Variants in GRM5 observed in about 807,000 individuals in gnomAD.
The protein encoded by GRM5 is metabotropic glutamate receptor 5.
In GRM5, 19 loss-of-function variants were observed where a neutral mutation model predicts 83.1. The observed-to-expected ratio is 0.23, with a 90% confidence interval of 0.16 to 0.34. GRM5 has a LOEUF of 0.34. GRM5 is among the 10% of genes least tolerant of loss of function. GRM5 has a pLI of 1.00. For missense variants in GRM5, 1,160 were observed against 1,588.3 expected, an observed-to-expected ratio of 0.73 and a Z score of 4.58; for synonymous variants, 675 against 633.6, an observed-to-expected ratio of 1.07 and a Z score of -0.98.
At chr11:88,895,593 T>A (rs1301882320) in intron 2 of GRM5, among the ~76,000 whole-genome samples, 2 of 151,944 alleles carry the variant, frequency 1.3e-5, no homozygotes, top group African/African-American at 4.8e-5. Context: ...TATTCATTAT[T>A]TTTCCCCACA....
chr11:88,759,155 A>G (rs898627404), intron 3 of GRM5, among the ~76,000 whole-genome samples: 5 of 152,122 alleles, frequency 3.3e-5, no homozygotes, highest in Non-Finnish European at 7.4e-5. Flanking sequence ...CAGTGACACT[A>G]TAAAGCAACC....
chr11:88,584,314 A>T (rs921853961), intron 7 of GRM5, among the ~76,000 whole-genome samples: 1 of 151,784 alleles, frequency 6.6e-6, no homozygotes, highest in Non-Finnish European at 1.5e-5. Flanking sequence ...TGATACTGCT[A>T]TTCTGAAATC....
Position 88,850,136 on chromosome 11 carries a change from C to T in GRM5, c.681G>A (p.Gly227=). The change falls in exon 3 of 10, where the codon GGG becomes GGA. Residue 227 remains glycine (G), a synonymous_variant. Coordinates refer to ENST00000305447, the MANE Select transcript of GRM5 (RefSeq NM_001143831.3). ...CTGACATATCTTTGAAGGCTTCCAT[C>T]CCACTTTCTCCATAGTTGCCTGTGT... The part of the protein sequence containing the change: ...VHTEGNYGES[G]MEAFKDMSAK... The T allele has an allele frequency of 1.5e-6, 2 of 1,305,210 alleles. No individual in the cohort carries two copies. The highest frequency in any genetic ancestry group is 2.2e-6 in the Non-Finnish European group (2 of 898,962). 80.9% of individuals were successfully genotyped at this position (1,305,210 alleles called of 1,614,324 possible). A position where few individuals can be genotyped will look rare whatever the true frequency, so the allele number is the denominator to read the frequency against.
At chr11:88,806,796 T>C (rs981676710) in intron 3 of GRM5, among the ~76,000 whole-genome samples, 1 of 152,184 alleles carries the variant, frequency 6.6e-6, no homozygotes, top group Non-Finnish European at 1.5e-5. Flanking sequence ...TCCCCATCTT[T>C]TTATACTTGT....
chr11:88,998,929 T>C (rs1490685297), intron 2 of GRM5, among the ~76,000 whole-genome samples: 3 of 152,054 alleles, frequency 2.0e-5, no homozygotes, highest in Admixed American at 6.6e-5. Flanking sequence ...GGAACTAGAA[T>C]GCCGCATGTC....
intron 2 of GRM5, among the ~76,000 whole-genome samples, chr11:88,947,534 G>GTT (rs1408589409): frequency 1.4e-5 from 2 of 145,232 alleles, no homozygotes; most frequent in Middle Eastern, 3.6e-3. Flanking sequence ...TGCATTGTTA[G>GTT]TTTTTTTTTT....
At chr11:88,588,447 G>A (rs953997907) in intron 7 of GRM5, among the ~76,000 whole-genome samples, 1 of 151,980 alleles carries the variant, frequency 6.6e-6, no homozygotes, top group Non-Finnish European at 1.5e-5. Flanking sequence ...GGATTAAGAG[G>A]CATGTGGCAT....
At chr11:88,871,411 G>T (rs1460785039) in intron 2 of GRM5, among the ~76,000 whole-genome samples, 3 of 151,620 alleles carry the variant, frequency 2.0e-5, no homozygotes, top group Admixed American at 6.6e-5. Flanking sequence ...TAAGAAAGAT[G>T]ATGATTCCAG....
intron 3 of GRM5, among the ~76,000 whole-genome samples, chr11:88,783,174 C>T (rs549480023): frequency 6.6e-5 from 10 of 152,226 alleles, no homozygotes; most frequent in African/African-American, 1.9e-4. Context: ...TTCCCATAAT[C>T]TTAGGGGTTT....
chr11:89,032,597 T>C (rs1371612500), intron 2 of GRM5, among the ~76,000 whole-genome samples: 1 of 152,018 alleles, frequency 6.6e-6, no homozygotes, highest in African/African-American at 2.4e-5. Context: ...TTTTGAACCC[T>C]TATTGTGTGC....
intron 2 of GRM5, among the ~76,000 whole-genome samples, chr11:88,990,128 G>GA (rs1247030053): frequency 7.0e-6 from 1 of 143,648 alleles, no homozygotes. Flanking sequence ...GACTAATAAA[G>GA]AAAAAAAGAG....
chr11:88,995,167 A>G (rs1341108557), intron 2 of GRM5, among the ~76,000 whole-genome samples: 4 of 152,158 alleles, frequency 2.6e-5, no homozygotes, highest in African/African-American at 9.7e-5. Flanking sequence ...GGAGACAGTT[A>G]TTATAGCATC....
chr11:88,870,488 A>G (rs1187425691), intron 2 of GRM5, among the ~76,000 whole-genome samples: 1 of 151,512 alleles, frequency 6.6e-6, no homozygotes, highest in Non-Finnish European at 1.5e-5. Flanking sequence ...AAGCAAAGAA[A>G]GAGTTAATCA....
chr11:88,609,296 T>C (rs924135475), intron 4 of GRM5, among the ~76,000 whole-genome samples: 2 of 152,228 alleles, frequency 1.3e-5, no homozygotes, highest in African/African-American at 4.8e-5. Context: ...GGTTTTGGGC[T>C]TGATCTATGT....
At chr11:88,757,867 C>T (rs1942429033) in intron 3 of GRM5, among the ~76,000 whole-genome samples, 2 of 151,998 alleles carry the variant, frequency 1.3e-5, no homozygotes, top group Admixed American at 1.3e-4. Flanking sequence ...TCCAAGAGCA[C>T]CATGGCTTCC....
In GRM5 at chr11:88,965,296, G is replaced by A. The variant is rs139165701; in HGVS notation, c.661+81916C>T. ...ATTTCTGGTGAGAGGCCTCTTGCAA[G>A]GTTGCAGACTTCCCATTCTATCCTC... On this transcript the variant is annotated intron_variant, in intron 2 of 9. Coordinates refer to ENST00000305447, the MANE Select transcript of GRM5 (RefSeq NM_001143831.3). 5.8e-3 allele frequency among the ~76,000 whole-genome samples: 876 copies of A among 152,180 alleles called. 4 individuals are homozygous for A. The highest frequency in any genetic ancestry group is 8.8e-3 in the Non-Finnish European group (596 of 67,990).
At chr11:88,942,996 T>C (rs1294845588) in intron 2 of GRM5, among the ~76,000 whole-genome samples, 2 of 152,034 alleles carry the variant, frequency 1.3e-5, no homozygotes, top group Admixed American at 6.6e-5. Context: ...ATTTCTTTAT[T>C]CCTTCCAATC....
chr11:89,063,212 A>C lies in GRM5; in HGVS notation c.-201+2564T>G, dbSNP rs551644277. Among the ~76,000 whole-genome samples, 5 of 152,340 alleles carry C rather than the reference A, an allele frequency of 3.3e-5. No individual in the cohort carries two copies. In the East Asian group the frequency reaches 7.7e-4, roughly 24 times the overall value. ...CGCGCACCTGGCCTTAGAGAGCGGG[A>C]ACTCGGATGCGAAGGCATGCAGAAT... On this transcript the variant is annotated intron_variant, in intron 1 of 9. Transcript: ENST00000305447.
intron 8 of GRM5, among the ~76,000 whole-genome samples, chr11:88,555,831 T>C (rs1942613846): frequency 6.6e-6 from 1 of 152,188 alleles, no homozygotes; most frequent in South Asian, 2.1e-4. Flanking sequence ...TACAGCTTCA[T>C]ATTATATGAT....
Sources: gnomAD v4.1 joint callset for allele counts (sites outside exome capture counted in the v4.1 genomes callset) on GRCh38, gnomAD v4.1.1 for gene constraint, MANE v1.5 for transcripts, NCBI Gene and HGNC (gene_info 2026-07-23, HGNC 2026-07-21) for gene names.